Variants in HTR4 observed in about 807,000 individuals in gnomAD.
HTR4 encodes 5-hydroxytryptamine (serotonin) receptor 4, G protein-coupled.
A neutral mutation model predicts 36.8 loss-of-function variants in HTR4; 16 were observed. The ratio of observed to expected loss-of-function variants is 0.43; its 90% confidence interval spans 0.29 to 0.66. The LOEUF is 0.66. HTR4 is among the 30% of genes least tolerant of loss of function. HTR4 has a pLI of 0.13. For synonymous variants in HTR4, 189 were observed against 185.1 expected, an observed-to-expected ratio of 1.02 and a Z score of -0.17; for missense variants, 438 against 490.9, an observed-to-expected ratio of 0.89 and a Z score of 1.02.
rs201305067 is a variant in HTR4, at chr5:148,482,681, C to A, written c.*522G>T. The A allele has an allele frequency of 7.0e-6, 7 of 1,003,122 alleles. No homozygotes were observed. Among genetic ancestry groups the A allele is most frequent in the Admixed American group, 5.2e-5 (1 of 19,146 alleles). 62.1% of individuals were successfully genotyped at this position (1,003,122 alleles called of 1,614,324 possible). A position where few individuals can be genotyped will look rare whatever the true frequency, so the allele number is the denominator to read the frequency against. On this transcript the variant is annotated 3_prime_UTR_variant, in exon 7 of 7. Transcript: ENST00000377888. The stretch of plus-strand genomic sequence containing the variant: ...TGTTAGCGTCTGGCACAGAACAGGG[C>A]GAAGAAGAGGCAGGGGATAGCTTGA...
intron 5 of HTR4, among the ~76,000 whole-genome samples, chr5:148,517,875 G>A (rs1757837472): frequency 6.6e-6 from 1 of 151,970 alleles, no homozygotes; most frequent in African/African-American, 2.4e-5. Context: ...TTTCCTCATA[G>A]TAAAAGTCAA....
chr5:148,500,811 C>T (rs1051304658), intron 6 of HTR4, among the ~76,000 whole-genome samples: 3 of 152,062 alleles, frequency 2.0e-5, no homozygotes, highest in African/African-American at 7.2e-5. Context: ...ACAGCAATTA[C>T]TTTTACACTA....
chr5:148,645,253 C>T (rs1487250931), intron 1 of HTR4: 1 of 152,082 alleles, frequency 6.6e-6, no homozygotes, highest in Non-Finnish European at 1.5e-5. Flanking sequence ...TTTAGGCTTT[C>T]AAGAGCATAA....
chr5:148,614,300 AC>A (rs1326314928), intron 2 of HTR4, among the ~76,000 whole-genome samples: 1 of 150,492 alleles, frequency 6.6e-6, no homozygotes, highest in Non-Finnish European at 1.5e-5. Context: ...GGCTACAGTA[AC>A]CAAAACAGCA....
chr5:148,623,107 G>A (rs1247467299), intron 2 of HTR4, among the ~76,000 whole-genome samples: 1 of 152,050 alleles, frequency 6.6e-6, no homozygotes, highest in South Asian at 2.1e-4. Flanking sequence ...GGGAAGACAA[G>A]GCAAGTAGAA....
At chr5:148,593,414 A>T (rs888837997) in intron 2 of HTR4, among the ~76,000 whole-genome samples, 3 of 152,124 alleles carry the variant, frequency 2.0e-5, no homozygotes, top group Non-Finnish European at 4.4e-5. Context: ...TCTTTCTCTG[A>T]TTTTGTTCCA....
chr5:148,460,708 A>C (rs967134197), intron 5 of HTR4, among the ~76,000 whole-genome samples: 1 of 152,176 alleles, frequency 6.6e-6, no homozygotes, highest in African/African-American at 2.4e-5. Context: ...TAGAAAAAGG[A>C]AGAGCATCAG....
chr5:148,628,212 G>A (rs1343902587), intron 2 of HTR4, among the ~76,000 whole-genome samples: 2 of 152,158 alleles, frequency 1.3e-5, no homozygotes, highest in Non-Finnish European at 2.9e-5. Context: ...CTTTAGAAAA[G>A]CAAACCATTG....
intron 2 of HTR4, among the ~76,000 whole-genome samples, chr5:148,574,597 A>G (rs1161702724): frequency 6.6e-6 from 1 of 152,102 alleles, no homozygotes; most frequent in African/African-American, 2.4e-5. Flanking sequence ...TTTGTGTCCA[A>G]GTGGGTCTAC....
rs561337916 is a variant in HTR4 at position 148,547,631 on chromosome 5, A to G, written c.353+1037T>C. ...TGATTGTCTGAGCACGATGGCTCAC[A>G]TCTGTAGTCCCAGCACTCTGGGAGG... On this transcript the variant is annotated intron_variant, in intron 4 of 6. Coordinates refer to ENST00000377888, the MANE Select transcript of HTR4 (RefSeq NM_000870.7). Among the ~76,000 whole-genome samples the G allele has an allele frequency of 1.2e-4, 19 of 152,084 alleles. 1 individual carries two copies. The South Asian group carries it at 3.9e-3, about 32-fold the overall frequency.
At chr5:148,553,890 G>T (rs774245772) in intron 2 of HTR4, among the ~76,000 whole-genome samples, 1 of 152,174 alleles carries the variant, frequency 6.6e-6, no homozygotes, top group East Asian at 1.9e-4. Context: ...ACACCCGAAA[G>T]AATTGAAAGC....
At chr5:148,614,855 C>A (rs1307512938) in intron 2 of HTR4, among the ~76,000 whole-genome samples, 1 of 152,134 alleles carries the variant, frequency 6.6e-6, no homozygotes, top group Non-Finnish European at 1.5e-5. Context: ...ACAACCCCAT[C>A]AAAAAGTGGG....
Position 148,483,020 on chromosome 5 carries a change from A to G in HTR4, c.*183T>C, listed in dbSNP as rs1309683335. The G allele has an allele frequency of 6.9e-7, 1 of 1,448,468 alleles. No individual in the cohort carries two copies. The highest frequency in any genetic ancestry group is 2.5e-5 in the East Asian group (1 of 39,822). The allele number at this position is 1,448,468 out of a possible 1,614,324, so 89.7% of individuals were successfully genotyped here. On this transcript the variant is annotated 3_prime_UTR_variant, in exon 7 of 7. Coordinates refer to ENST00000377888, the MANE Select transcript of HTR4 (RefSeq NM_000870.7). The stretch of plus-strand genomic sequence containing the variant: ...AACAAGGAGGCCATTATGTCCCCTG[A>G]CTCCCTCCAGCGCCACCTGCTGGAA...
chr5:148,638,091 C>T (rs1427450597), intron 1 of HTR4, among the ~76,000 whole-genome samples: 1 of 152,166 alleles, frequency 6.6e-6, no homozygotes, highest in Non-Finnish European at 1.5e-5. Context: ...CCCTTGGACA[C>T]CTTGGCCAGG....
intron 2 of HTR4, among the ~76,000 whole-genome samples, chr5:148,586,340 G>A (rs767111900): frequency 2.8e-4 from 43 of 151,942 alleles, no homozygotes; most frequent in Non-Finnish European, 4.4e-4. Context: ...TTGAACAAAT[G>A]AATGAATAAA....
chr5:148,537,153 A>G (rs1241176278), intron 4 of HTR4, among the ~76,000 whole-genome samples: 1 of 152,212 alleles, frequency 6.6e-6, no homozygotes, highest in Non-Finnish European at 1.5e-5. Flanking sequence ...GTAAGTAATA[A>G]GATTAAGGCA....
intron 2 of HTR4, among the ~76,000 whole-genome samples, chr5:148,562,601 C>G (rs988350136): frequency 6.6e-6 from 1 of 152,114 alleles, no homozygotes; most frequent in Non-Finnish European, 1.5e-5. Flanking sequence ...CTATCACAAC[C>G]ACTTTTATCC....
intron 1 of HTR4, among the ~76,000 whole-genome samples, chr5:148,653,115 A>T (rs1199465807): frequency 6.6e-6 from 1 of 152,130 alleles, no homozygotes; most frequent in Non-Finnish European, 1.5e-5. Flanking sequence ...TGCTCACCAC[A>T]GTCACCCACA....
At chr5:148,555,970 A>ACACACT (rs1554095210) in intron 2 of HTR4, among the ~76,000 whole-genome samples, 104 of 146,528 alleles carry the variant, frequency 7.1e-4, no homozygotes, top group African/African-American at 1.1e-3. Flanking sequence ...ACACACACAC[A>ACACACT]CTCTCTCTCT....
Sources: gnomAD v4.1 joint callset for allele counts (sites outside exome capture counted in the v4.1 genomes callset) on GRCh38, gnomAD v4.1.1 for gene constraint, MANE v1.5 for transcripts, NCBI Gene and HGNC (gene_info 2026-07-23, HGNC 2026-07-21) for gene names.